The following GPR158 variants were observed in gnomAD, a reference collection of about 807,000 sequenced individuals.
GPR158 encodes the protein metabotropic glycine receptor.
In GPR158, 30 loss-of-function variants were observed where a neutral mutation model predicts 78.2. The observed-to-expected ratio is 0.38, with a 90% CI of 0.29 to 0.52. The LOEUF (loss-of-function observed/expected upper bound fraction) is 0.52, where lower values mean the gene tolerates loss of function less well. Ranked by LOEUF, GPR158 falls within the 20% of genes least tolerant of loss-of-function variation. The pLI is 0.83. For synonymous variants in GPR158, 581 were observed against 591.1 expected, an observed-to-expected ratio of 0.98 and a Z score of 0.25; for missense variants, 1,463 against 1,523.5, an observed-to-expected ratio of 0.96 and a Z score of 0.66.
intron 4 of GPR158, among the ~76,000 whole-genome samples, chr10:25,438,611 C>T (rs1835029216): frequency 6.6e-6 from 1 of 152,130 alleles, no homozygotes; most frequent in African/African-American, 2.4e-5. Flanking sequence ...AAATTGATGG[C>T]TAAAGATACT....
chr10:25,420,513 G>T (rs1834735464), intron 4 of GPR158, among the ~76,000 whole-genome samples: 1 of 152,066 alleles, frequency 6.6e-6, no homozygotes, highest in Non-Finnish European at 1.5e-5. Flanking sequence ...TGTGCTTTTG[G>T]TGTCATATGC....
At chr10:25,569,571 G>A (rs374933228) in intron 6 of GPR158, among the ~76,000 whole-genome samples, 5 of 152,188 alleles carry the variant, frequency 3.3e-5, no homozygotes, top group Admixed American at 2.0e-4. Flanking sequence ...CCTAGGAGTT[G>A]CTGGGTATTG....
rs1354554114 is a variant in GPR158 at position 25,600,980 on chromosome 10, A to G, written c.*1706A>G. On this transcript the variant is annotated 3_prime_UTR_variant, in exon 11 of 11. Transcript: ENST00000376351. ...GAGACTTCCCTTTTTCTCCCTGTAA[A>G]CACCCAAGTATCAACTGCTTATTTG... is the stretch of plus-strand genomic sequence containing the variant. 1.3e-5 allele frequency: 2 copies of G among 152,140 alleles called. No homozygotes were observed. The highest frequency in any genetic ancestry group is 2.9e-5 in the Non-Finnish European group (2 of 68,036). 9.4% of individuals were successfully genotyped at this position (152,140 alleles called of 1,614,324 possible).
intron 5 of GPR158, among the ~76,000 whole-genome samples, chr10:25,505,034 T>G (rs1435256690): frequency 6.6e-6 from 1 of 152,168 alleles, no homozygotes; most frequent in East Asian, 1.9e-4. Context: ...ATCTGTAAAA[T>G]GGGGGCAGTA....
At chr10:25,461,813 C>T (rs1564461813) in intron 4 of GPR158, among the ~76,000 whole-genome samples, 1 of 148,436 alleles carries the variant, frequency 6.7e-6, no homozygotes, top group Non-Finnish European at 1.5e-5. Context: ...GCTCTTGCAA[C>T]CTCCATCTCC....
At chr10:25,509,312 C>G (rs1007867986) in intron 5 of GPR158, among the ~76,000 whole-genome samples, 1 of 152,104 alleles carries the variant, frequency 6.6e-6, no homozygotes. Context: ...TCATGGACTT[C>G]GTGCGCAGGG....
chr10:25,397,063 T>TA (rs1834370489), intron 3 of GPR158, among the ~76,000 whole-genome samples: 4 of 152,172 alleles, frequency 2.6e-5, no homozygotes, highest in African/African-American at 9.7e-5. Context: ...GACAGAGTCT[T>TA]AAATGACAGA....
intron 4 of GPR158, among the ~76,000 whole-genome samples, chr10:25,441,975 G>C (rs73608296): frequency 0.013 from 2,050 of 152,234 alleles, 43 homozygotes; most frequent in African/African-American, 0.046. Flanking sequence ...AAACTATTCA[G>C]GATTCTCCCA....
intron 4 of GPR158, among the ~76,000 whole-genome samples, chr10:25,459,968 A>G (rs1371561300): frequency 6.6e-6 from 1 of 152,138 alleles, no homozygotes; most frequent in African/African-American, 2.4e-5. Context: ...TAAACTTGGG[A>G]GGTATATTGA....
At chr10:25,538,001 A>C (rs1836523199) in intron 5 of GPR158, among the ~76,000 whole-genome samples, 1 of 152,192 alleles carries the variant, frequency 6.6e-6, no homozygotes, top group Non-Finnish European at 1.5e-5. Context: ...ATAGTGGTGC[A>C]AGAACAGACT....
intron 1 of GPR158, among the ~76,000 whole-genome samples, chr10:25,201,212 C>G (rs143595873): frequency 5.6e-4 from 85 of 152,138 alleles, no homozygotes; most frequent in African/African-American, 2.0e-3. Flanking sequence ...TTGTAGAGAC[C>G]ATTTACCTCC....
chr10:25,596,069 G>A (rs1156445325), intron 9 of GPR158, among the ~76,000 whole-genome samples: 1 of 152,104 alleles, frequency 6.6e-6, no homozygotes, highest in East Asian at 1.9e-4. Flanking sequence ...ATTTTAAATA[G>A]TATTTTAGAT....
intron 2 of GPR158, among the ~76,000 whole-genome samples, chr10:25,336,130 G>C (rs1855202822): frequency 6.6e-6 from 1 of 151,998 alleles, no homozygotes; most frequent in Non-Finnish European, 1.5e-5. Flanking sequence ...TGTGTATTTA[G>C]TTAAATACTT....
intron 5 of GPR158, among the ~76,000 whole-genome samples, chr10:25,498,286 G>C (rs1316023090): frequency 2.0e-5 from 3 of 152,148 alleles, no homozygotes; most frequent in Non-Finnish European, 4.4e-5. Flanking sequence ...GCCTATGTGT[G>C]TGCGTGTTGT....
chr10:25,446,138 C>T (rs139366586), intron 4 of GPR158, among the ~76,000 whole-genome samples: 29 of 152,006 alleles, frequency 1.9e-4, no homozygotes, highest in Admixed American at 4.6e-4. Flanking sequence ...GTCTTTTATC[C>T]GAAACTTTAA....
chr10:25,430,506 A>G (rs1834886274), intron 4 of GPR158, among the ~76,000 whole-genome samples: 2 of 148,574 alleles, frequency 1.3e-5, no homozygotes, highest in African/African-American at 5.0e-5. Flanking sequence ...AATTGGAAAA[A>G]ACTACTTTAA....
At chr10:25,501,459 T>C (rs1835945495) in intron 5 of GPR158, among the ~76,000 whole-genome samples, 1 of 152,236 alleles carries the variant, frequency 6.6e-6, no homozygotes, top group South Asian at 2.1e-4. Context: ...GTCTTTCTCT[T>C]ACTAACTTAC....
intron 2 of GPR158, among the ~76,000 whole-genome samples, chr10:25,337,575 A>G (rs1461988551): frequency 1.3e-5 from 2 of 152,084 alleles, no homozygotes; most frequent in Non-Finnish European, 2.9e-5. Flanking sequence ...TTTGGCTACT[A>G]TAAATGATGC....
chr10:25,513,529 C>T (rs1441255696), intron 5 of GPR158, among the ~76,000 whole-genome samples: 1 of 150,740 alleles, frequency 6.6e-6, no homozygotes, highest in East Asian at 1.9e-4. Flanking sequence ...TAGCACTGCT[C>T]TGATATTCGT....
Sources: gnomAD v4.1 joint callset for allele counts (sites outside exome capture counted in the v4.1 genomes callset) on GRCh38, gnomAD v4.1.1 for gene constraint, MANE v1.5 for transcripts, NCBI Gene and HGNC (gene_info 2026-07-23, HGNC 2026-07-21) for gene names.